Variants in P4HA1 observed in about 807,000 individuals in gnomAD.
P4HA1 encodes prolyl 4-hydroxylase subunit alpha-1.
In P4HA1, 24 loss-of-function variants were observed where a neutral mutation model predicts 72.8. That is an observed-to-expected ratio of 0.33 (90% CI 0.24 to 0.46). The LOEUF is 0.46. Ranked by LOEUF, P4HA1 falls within the 20% of genes least tolerant of loss-of-function variation. P4HA1 has a pLI of 1.00. For missense variants in P4HA1, 446 were observed against 640.6 expected, an observed-to-expected ratio of 0.70 and a Z score of 3.28; for synonymous variants, 201 against 218.8, an observed-to-expected ratio of 0.92 and a Z score of 0.72.
intron 9 of P4HA1, among the ~76,000 whole-genome samples, chr10:73,036,846 G>C (rs891698146): frequency 1.3e-5 from 2 of 152,074 alleles, no homozygotes; most frequent in African/African-American, 4.8e-5. Flanking sequence ...AATTTACATT[G>C]TAACATTACT....
At chr10:73,073,859 T>C (rs774102806) in intron 2 of P4HA1, 32 bp from the exon 3 acceptor site, 3 of 962,388 alleles carry the variant, frequency 3.1e-6, no homozygotes, top group African/African-American at 3.2e-5. Flanking sequence ...CAAATACTCA[T>C]ATCCTTCAAC....
chr10:73,012,228 T>C (rs919317820), intron 12 of P4HA1, among the ~76,000 whole-genome samples: 9 of 152,152 alleles, frequency 5.9e-5, no homozygotes, highest in African/African-American at 2.2e-4. Flanking sequence ...ACTAATGGCT[T>C]TTAAACATCT....
At chr10:73,084,755 C>CA (rs1452756767) in intron 1 of P4HA1, among the ~76,000 whole-genome samples, 4 of 152,178 alleles carry the variant, frequency 2.6e-5, no homozygotes, top group Non-Finnish European at 4.4e-5. Flanking sequence ...TCATTTGCAA[C>CA]AGCAACACTT....
At chr10:73,017,601 G>C (rs959003952) in intron 10 of P4HA1, among the ~76,000 whole-genome samples, 1 of 151,652 alleles carries the variant, frequency 6.6e-6, no homozygotes, top group Non-Finnish European at 1.5e-5. Context: ...TGCTGAACTC[G>C]CAATCCACTT....
At chr10:73,078,563 A>G (rs773100759) in intron 1 of P4HA1, among the ~76,000 whole-genome samples, 11 of 151,918 alleles carry the variant, frequency 7.2e-5, no homozygotes, top group Non-Finnish European at 4.4e-5. Context: ...GAAATTCACC[A>G]AAGTGTAATT....
chr10:73,055,829 C>G (rs572580104), intron 5 of P4HA1, among the ~76,000 whole-genome samples: 2 of 152,256 alleles, frequency 1.3e-5, no homozygotes, highest in South Asian at 4.1e-4. Context: ...TTACTATCTG[C>G]CAAGTATTTG....
intron 7 of P4HA1, among the ~76,000 whole-genome samples, chr10:73,049,834 A>G (rs1410189252): frequency 6.6e-6 from 1 of 152,218 alleles, no homozygotes; most frequent in East Asian, 1.9e-4. Context: ...GTTGTATCTC[A>G]TAAGATGCAC....
intron 9 of P4HA1, among the ~76,000 whole-genome samples, chr10:73,038,622 CTTTTTT>C (rs745518781): frequency 7.4e-5 from 8 of 108,820 alleles, no homozygotes; most frequent in South Asian, 6.2e-4. Flanking sequence ...TTTTTATTTG[CTTTTTT>C]TTTTTTTTTT....
At chr10:73,052,647 G>A (rs1040110336) in intron 6 of P4HA1, among the ~76,000 whole-genome samples, 9 of 152,170 alleles carry the variant, frequency 5.9e-5, no homozygotes, top group African/African-American at 2.2e-4. Flanking sequence ...ATTTTCAGCA[G>A]ATCAATCCTT....
At chr10:73,016,672 G>A (rs942015486) in intron 11 of P4HA1, among the ~76,000 whole-genome samples, 174 bp downstream of exon 11, 12 of 152,232 alleles carry the variant, frequency 7.9e-5, no homozygotes, top group Admixed American at 2.6e-4. Context: ...AGCTACTCGG[G>A]AGGCTGAGGT....
At chr10:73,010,018 G>C (rs1839880516) in intron 13 of P4HA1, 115 bp from the exon 14 acceptor site, 1 of 600,942 alleles carries the variant, frequency 1.7e-6, no homozygotes, top group Middle Eastern at 2.9e-4. Flanking sequence ...GCCCAGGCTG[G>C]AGTGCAATGG....
At chr10:73,014,782 T>A (rs919403753) in intron 11 of P4HA1, among the ~76,000 whole-genome samples, 1 of 152,114 alleles carries the variant, frequency 6.6e-6, no homozygotes, top group East Asian at 1.9e-4. Context: ...TGAGACTTAC[T>A]TTGAACTCAC....
At chr10:73,016,603 CCT>C (rs1840012258) in intron 11 of P4HA1, among the ~76,000 whole-genome samples, 1 of 152,174 alleles carries the variant, frequency 6.6e-6, no homozygotes. Context: ...ATGGCGAAAC[CCT>C]GTCGCTACTA....
intron 10 of P4HA1, among the ~76,000 whole-genome samples, chr10:73,017,299 A>G (rs1289778313): frequency 4.0e-5 from 6 of 151,884 alleles, no homozygotes; most frequent in Admixed American, 2.0e-4. Flanking sequence ...ACATATATAG[A>G]TATCTATATA....
intron 5 of P4HA1, among the ~76,000 whole-genome samples, chr10:73,056,258 T>C (rs187243056): frequency 9.2e-5 from 14 of 152,336 alleles, no homozygotes; most frequent in African/African-American, 3.4e-4. Flanking sequence ...TTTAATGGAA[T>C]AGCATTTTTC....
At chr10:73,093,858 A>AAAATAAAAAAAAAT (rs1842090595) in intron 1 of P4HA1, among the ~76,000 whole-genome samples, 1 of 65,718 alleles carries the variant, frequency 1.5e-5, no homozygotes, top group African/African-American at 8.0e-5. Flanking sequence ...AAAAAAAAAA[A>AAAATAAAAAAAAAT]AAAAAAAAAA....
At chr10:73,061,661 G>T (rs774632017) in intron 5 of P4HA1, among the ~76,000 whole-genome samples, 3 of 152,186 alleles carry the variant, frequency 2.0e-5, no homozygotes, top group Non-Finnish European at 4.4e-5. Flanking sequence ...AGCTACTTGG[G>T]AGGCTAAGGC....
Position 73,008,177 on chromosome 10 carries a change from G to T in P4HA1, c.*45C>A. 2.6e-6 allele frequency: 3 copies of T among 1,140,938 alleles called. No homozygotes were observed. Among genetic ancestry groups the T allele is most frequent in the Non-Finnish European group, 4.0e-6 (3 of 754,574 alleles). 70.7% of individuals were successfully genotyped at this position (1,140,938 alleles called of 1,614,324 possible). A position where few individuals can be genotyped will look rare whatever the true frequency, so the allele number is the denominator to read the frequency against. On this transcript the variant is annotated 3_prime_UTR_variant, in exon 15 of 15. Coordinates refer to ENST00000394890, the MANE Select transcript of P4HA1 (RefSeq NM_001017962.3). ...TTAAGACTAGGAAATGTGTATATCA[G>T]ACACATAAGAGTACAACAATAGGAG...
Position 73,009,213 on chromosome 10 carries a change from A to C in P4HA1, c.1534+594T>G, listed in dbSNP as rs141656320. Among the ~76,000 whole-genome samples the C allele has an allele frequency of 8.3e-4, 126 of 152,330 alleles. 7 individuals are homozygous for C. The highest frequency in any genetic ancestry group is 2.6e-3 in the African/African-American group (108 of 41,580). On this transcript the variant is annotated intron_variant, in intron 14 of 14. Transcript: ENST00000394890. The stretch of plus-strand genomic sequence containing the variant: ...AACATGTGGCTAGTAACACAGATTG[A>C]AATGGATACATGGGGCTAATTAATA...
Sources: allele counts gnomAD v4.1 joint callset (sites outside exome capture counted in the v4.1 genomes callset), GRCh38; gene constraint gnomAD v4.1.1; transcripts MANE v1.5; gene names NCBI Gene and HGNC (gene_info 2026-07-23, HGNC 2026-07-21).